ZNF362: variants seen among roughly 807,000 people sequenced by gnomAD.
The protein encoded by ZNF362 is zinc finger protein 362, also known as rotund homolog.
A neutral mutation model predicts 42.9 loss-of-function variants in ZNF362; 11 were observed. The ratio of observed to expected loss-of-function variants is 0.26; its 90% confidence interval spans 0.16 to 0.42. The LOEUF (loss-of-function observed/expected upper bound fraction) is 0.42, where lower values mean the gene tolerates loss of function less well. Ranked by LOEUF, ZNF362 falls within the 20% of genes least tolerant of loss-of-function variation. ZNF362 has a pLI of 1.00. For synonymous variants in ZNF362, 255 were observed against 257.3 expected (o/e 0.99, Z 0.09); for missense variants, 362 against 576.2 (o/e 0.63, Z 3.81).
the ZNF362 span, among the ~76,000 whole-genome samples, chr1:33,245,763 C>T: frequency 1.3e-5 from 2 of 152,178 alleles, no homozygotes; most frequent in South Asian, 2.1e-4. Flanking sequence ...CATAGCAAGA[C>T]CTTGTCTCTA....
the ZNF362 span, among the ~76,000 whole-genome samples, chr1:33,213,891 C>CAA: frequency 1.5e-4 from 23 of 151,662 alleles, no homozygotes; most frequent in South Asian, 2.5e-3. Context: ...AAAAACAAAA[C>CAA]AACAACAACA....
chr1:33,214,328 C>T, the ZNF362 span, among the ~76,000 whole-genome samples: 1 of 152,136 alleles, frequency 6.6e-6, no homozygotes, highest in South Asian at 2.1e-4. Context: ...TATCTCTTGC[C>T]ATATACAATA....
chr1:33,253,628 C>G (rs188723119), upstream of ZNF362, among the ~76,000 whole-genome samples: 3 of 152,234 alleles, frequency 2.0e-5, no homozygotes, highest in Middle Eastern at 6.8e-3. Flanking sequence ...AAGGCCCCAG[C>G]TCAGCACTCA....
the ZNF362 span, among the ~76,000 whole-genome samples, chr1:33,144,381 G>T: frequency 6.6e-6 from 1 of 152,122 alleles, no homozygotes; most frequent in Admixed American, 6.5e-5. Context: ...CAGGTGATCC[G>T]CCTGCCTTGG....
chr1:33,165,824 C>T, the ZNF362 span: 1 of 326,366 alleles, frequency 3.1e-6, no homozygotes, highest in Non-Finnish European at 5.6e-6. This position sits in a 1 kb window ranked among gnomAD's most constrained non-coding sequence, Gnocchi z 4.0. Context: ...CTGTGACAAT[C>T]GACTTCCACA....
the ZNF362 span, among the ~76,000 whole-genome samples, chr1:33,151,016 G>T: frequency 3.9e-5 from 6 of 152,230 alleles, no homozygotes; most frequent in South Asian, 8.3e-4. Flanking sequence ...ACTGGTGCGG[G>T]GCGGGGGGTA....
chr1:33,245,508 A>G, the ZNF362 span, among the ~76,000 whole-genome samples: 2 of 152,172 alleles, frequency 1.3e-5, no homozygotes, highest in Non-Finnish European at 2.9e-5. Context: ...AGAACTTGTA[A>G]ATGTGACCTT....
At chr1:33,231,913 A>G in the ZNF362 span, among the ~76,000 whole-genome samples, 1 of 152,152 alleles carries the variant, frequency 6.6e-6, no homozygotes, top group Non-Finnish European at 1.5e-5. Flanking sequence ...GCCTAAGCCC[A>G]TCAGTAGGTG....
intron 4 of ZNF362, among the ~76,000 whole-genome samples, chr1:33,279,822 T>C (rs1645978173): frequency 6.6e-6 from 1 of 152,218 alleles, no homozygotes; most frequent in Non-Finnish European, 1.5e-5. Context: ...TTCCCTAATG[T>C]TGCATATTTC....
the ZNF362 span, among the ~76,000 whole-genome samples, chr1:33,221,383 C>A: frequency 6.6e-6 from 1 of 152,182 alleles, no homozygotes. Flanking sequence ...GTTTCAGGCA[C>A]CCCTGTCCCA....
At chr1:33,193,745 C>T in the ZNF362 span, among the ~76,000 whole-genome samples, 2 of 152,148 alleles carry the variant, frequency 1.3e-5, no homozygotes, top group Admixed American at 1.3e-4. Flanking sequence ...GAGAAAGTCC[C>T]TTGTTGAGCA....
the ZNF362 span, chr1:33,146,956 G>C: frequency 3.7e-5 from 22 of 590,420 alleles, no homozygotes; most frequent in African/African-American, 4.1e-4. Flanking sequence ...GATCAAAGCT[G>C]TATCCCTATC....
At chr1:33,208,855 A>G in the ZNF362 span, among the ~76,000 whole-genome samples, 1 of 152,206 alleles carries the variant, frequency 6.6e-6, no homozygotes, top group Non-Finnish European at 1.5e-5. Flanking sequence ...ATATACAATC[A>G]TGTCATCTGG....
the ZNF362 span, chr1:33,164,390 C>A: frequency 6.6e-6 from 1 of 152,304 alleles, no homozygotes; most frequent in Non-Finnish European, 1.5e-5. Flanking sequence ...CCAGGCCTCA[C>A]GACACAGAGT....
the ZNF362 span, among the ~76,000 whole-genome samples, chr1:33,154,024 C>G: frequency 6.6e-6 from 1 of 152,156 alleles, no homozygotes; most frequent in Non-Finnish European, 1.5e-5. Flanking sequence ...GTTTTATAAA[C>G]TAAGATGCCA....
the ZNF362 span, among the ~76,000 whole-genome samples, chr1:33,238,851 G>T: frequency 6.6e-6 from 1 of 152,114 alleles, no homozygotes; most frequent in African/African-American, 2.4e-5. Context: ...ACGATGAAAA[G>T]CCCCCTCTGC....
the ZNF362 span, among the ~76,000 whole-genome samples, chr1:33,184,827 C>T: frequency 2.0e-5 from 3 of 152,164 alleles, no homozygotes; most frequent in African/African-American, 4.8e-5. Context: ...GTCACCCTGG[C>T]TGGAGCACAG....
chr1:33,240,491 A>C, the ZNF362 span, among the ~76,000 whole-genome samples: 1 of 152,222 alleles, frequency 6.6e-6, no homozygotes, highest in African/African-American at 2.4e-5. Flanking sequence ...AAACACACAT[A>C]CATAGACACA....
In ZNF362 at chr1:33,280,216, C is replaced by G; in HGVS notation, c.442C>G (p.Pro148Ala). ...CACGGGTACCAGCACCCCGTCCACA[C>G]CCACCACCACCAGCCAGAGCCGCCT... ...TGTGTSTPST[P>A]TTTSQSRLIA... Residue 148 changes from proline to alanine, a missense_variant, in exon 5 of 9, where the codon CCC becomes GCC. Transcript: ENST00000539719. This position sits in a 1 kb window ranked among gnomAD's most constrained non-coding sequence, Gnocchi z 5.6. The G allele has an allele frequency of 1.9e-6, 3 of 1,613,930 alleles. No individual in the cohort carries two copies. Among genetic ancestry groups the G allele is most frequent in the Non-Finnish European group, 2.5e-6 (3 of 1,179,880 alleles).
Sources: gnomAD v4.1 joint callset for allele counts (sites outside exome capture counted in the v4.1 genomes callset) on GRCh38, gnomAD v4.1.1 for gene constraint, Gnocchi (gnomAD v3.1) non-coding constraint, MANE v1.5 for transcripts, NCBI Gene and HGNC (gene_info 2026-07-23, HGNC 2026-07-21) for gene names.